Variants in SPTLC3 observed in about 807,000 individuals in gnomAD.
SPTLC3 encodes the protein serine palmitoyltransferase long chain base subunit 3.
SPTLC3 carries 36 observed loss-of-function variants against 59.3 expected under a neutral mutation model. The ratio of observed to expected loss-of-function variants is 0.61; its 90% CI spans 0.47 to 0.80. The LOEUF (loss-of-function observed/expected upper bound fraction) is 0.80, where lower values mean the gene tolerates loss of function less well. Ranked by LOEUF, SPTLC3 falls within the 30% of genes least tolerant of loss-of-function variation. The pLI is 0.00. For synonymous variants in SPTLC3, 257 were observed against 240.8 expected (o/e 1.07, Z -0.62); for missense variants, 625 against 685.1 (o/e 0.91, Z 0.98).
chr20:13,035,531 G>A (rs750417282), intron 1 of SPTLC3, among the ~76,000 whole-genome samples: 13 of 152,094 alleles, frequency 8.5e-5, no homozygotes, highest in African/African-American at 1.2e-4. Flanking sequence ...GGTGCCTTCC[G>A]AAACAAAAAT....
intron 1 of SPTLC3, among the ~76,000 whole-genome samples, chr20:13,009,649 AC>A (rs1454553474): frequency 6.6e-6 from 1 of 152,210 alleles, no homozygotes; most frequent in African/African-American, 2.4e-5. Flanking sequence ...TACCTACTAG[AC>A]TTTTGTCTCA....
chr20:13,131,949 A>G (rs1168332464), intron 9 of SPTLC3, among the ~76,000 whole-genome samples: 10 of 151,818 alleles, frequency 6.6e-5, no homozygotes, highest in Non-Finnish European at 1.5e-4. Context: ...TCAGCCTACT[A>G]CAGGCAGCTG....
At chr20:13,080,720 G>A (rs975776507) in intron 4 of SPTLC3, among the ~76,000 whole-genome samples, 1 of 152,038 alleles carries the variant, frequency 6.6e-6, no homozygotes, top group African/African-American at 2.4e-5. Context: ...AAATTAGAGA[G>A]CAATTTGAAA....
chr20:13,053,479 TCTC>T (rs1231233942), intron 2 of SPTLC3, among the ~76,000 whole-genome samples: 15 of 152,120 alleles, frequency 9.9e-5, no homozygotes, highest in African/African-American at 3.6e-4. Flanking sequence ...GAATGCCTCT[TCTC>T]CTCCAAAGGA....
intron 6 of SPTLC3, among the ~76,000 whole-genome samples, chr20:13,096,919 C>T (rs6041853): frequency 0.067 from 10,184 of 152,112 alleles, 483 homozygotes; most frequent in African/African-American, 0.13. Context: ...GTCCTAGACA[C>T]ACTACTTTAC....
intron 1 of SPTLC3, among the ~76,000 whole-genome samples, chr20:13,037,041 T>C (rs1020432278): frequency 3.9e-5 from 6 of 152,204 alleles, no homozygotes; most frequent in Non-Finnish European, 7.3e-5. Context: ...CTACCATCTT[T>C]TGTGCATTAA....
At chr20:13,051,168 C>T (rs997493570) in intron 2 of SPTLC3, 1 of 152,188 alleles carries the variant, frequency 6.6e-6, no homozygotes, top group Non-Finnish European at 1.5e-5. Flanking sequence ...TAAGAACTCA[C>T]CAACCAACTA....
intron 4 of SPTLC3, among the ~76,000 whole-genome samples, chr20:13,085,727 A>G (rs991908757): frequency 1.3e-5 from 2 of 152,246 alleles, no homozygotes; most frequent in African/African-American, 4.8e-5. Flanking sequence ...AGTCAGTATC[A>G]ATAAAAATTC....
intron 7 of SPTLC3, among the ~76,000 whole-genome samples, chr20:13,111,783 A>C (rs1990247289): frequency 6.6e-6 from 1 of 152,304 alleles, no homozygotes; most frequent in Admixed American, 6.5e-5. Flanking sequence ...ACAAAACCCA[A>C]CTGCAAATAA....
At chr20:13,139,057 A>G (rs1051693802) in intron 9 of SPTLC3, among the ~76,000 whole-genome samples, 1 of 152,200 alleles carries the variant, frequency 6.6e-6, no homozygotes, top group Non-Finnish European at 1.5e-5. Flanking sequence ...AGAGGAGGGT[A>G]GCGTGATTCT....
Position 13,074,424 on chromosome 20 carries a change from T to C in SPTLC3, c.534T>C (p.Asp178=), listed in dbSNP as rs1195135081. The C allele has an allele frequency of 1.2e-6, 2 of 1,614,100 alleles. No homozygotes were observed. Among genetic ancestry groups the C allele is most frequent in the Non-Finnish European group, 1.7e-6 (2 of 1,179,972 alleles). ...YNFLGLAAKY[D]ESMRTIKDVL... ...TCCTTGGTCTTGCAGCCAAGTATGA[T>C]GAGTCTATGAGGACAATAAAGGATG... Residue 178 remains aspartate (D), a synonymous_variant, in exon 4 of 12, where the codon GAT becomes GAC. Transcript: ENST00000399002.
rs1185001210 is a variant in SPTLC3, at chr20:13,072,362, TG to T, written c.411del (p.Phe138LeufsTer3). The T allele has an allele frequency of 6.2e-7, 1 of 1,613,222 alleles. No individual in the cohort carries two copies. Among genetic ancestry groups the T allele is most frequent in the Non-Finnish European group, 8.5e-7 (1 of 1,179,620 alleles). Reference sequence around the variant, plus strand: ...CCCATCTGCAGTGCCCCAGGGCCTCTGTTTGATTTGATGGAGAGGGTATCAG... The same window carrying T: ...CCCATCTGCAGTGCCCCAGGGCCTCTTTTGATTTGATGGAGAGGGTATCAG... ...NRPICSAPGP[L>X]FDLMERVSDD... On this transcript the variant is annotated frameshift_variant, in exon 3 of 12. Coordinates refer to ENST00000399002, the MANE Select transcript of SPTLC3 (RefSeq NM_018327.4). LOFTEE classifies it high-confidence loss of function.
intron 1 of SPTLC3, among the ~76,000 whole-genome samples, chr20:13,040,193 A>G (rs1051133301): frequency 1.3e-5 from 2 of 152,078 alleles, no homozygotes; most frequent in African/African-American, 4.8e-5. Context: ...GCCATGTTGT[A>G]TAATTTCCTT....
chr20:13,163,832 T>C (rs1167853492), intron 11 of SPTLC3, among the ~76,000 whole-genome samples: 3 of 152,138 alleles, frequency 2.0e-5, no homozygotes, highest in Admixed American at 2.0e-4. Context: ...AAAAACAGGC[T>C]CAGAAAGGTT....
intron 4 of SPTLC3, among the ~76,000 whole-genome samples, chr20:13,089,638 T>C (rs1304848772): frequency 1.3e-5 from 2 of 151,870 alleles, no homozygotes; most frequent in Non-Finnish European, 2.9e-5. Context: ...TACAAAAAAT[T>C]AGCTGGGCAT....
At position 13,168,751 on chromosome 20, in the gene SPTLC3, A is replaced by G. The variant is rs2039015194; in HGVS notation, c.*3884A>G. The G allele has an allele frequency of 6.6e-6, 1 of 152,220 alleles. No individual in the cohort carries two copies. Among genetic ancestry groups the G allele is most frequent in the African/African-American group, 2.4e-5 (1 of 41,458 alleles). The allele number at this position is 152,220 out of a possible 1,614,324, so 9.4% of individuals were successfully genotyped here. ...TAGCAATAATAACAATTGTAACAAC[A>G]GCAATTAAGAACAGCATCTGGTGAA... On this transcript the variant is annotated 3_prime_UTR_variant, in exon 12 of 12. Transcript: ENST00000399002.
intron 9 of SPTLC3, among the ~76,000 whole-genome samples, chr20:13,146,433 TA>T (rs963169603): frequency 1.3e-5 from 2 of 151,892 alleles, no homozygotes; most frequent in Non-Finnish European, 2.9e-5. Flanking sequence ...AAATTAAAAT[TA>T]AAAAAAAGAA....
Position 13,009,174 on chromosome 20 carries a change from A to C in SPTLC3, c.-94A>C. 1 of 937,888 alleles carries C rather than the reference A, an allele frequency of 1.1e-6. No homozygotes were observed. 58.1% of individuals were successfully genotyped at this position (937,888 alleles called of 1,614,324 possible). A position where few individuals can be genotyped will look rare whatever the true frequency, so the allele number is the denominator to read the frequency against. ...AAGATTCCTTTAAGGGCTCAGCCCCAAAGAGCTTTATCCCATCCCCTCGCA... is the reference window on the plus strand; with the variant it reads ...AAGATTCCTTTAAGGGCTCAGCCCCCAAGAGCTTTATCCCATCCCCTCGCA... On this transcript the variant is annotated 5_prime_UTR_variant, in exon 1 of 12. Transcript: ENST00000399002.
chr20:13,138,679 A>T (rs2038310200), intron 9 of SPTLC3, among the ~76,000 whole-genome samples: 1 of 152,200 alleles, frequency 6.6e-6, no homozygotes, highest in Admixed American at 6.5e-5. Flanking sequence ...ATTTTAGTTC[A>T]AATACTGCTG....
Sources: allele counts gnomAD v4.1 joint callset (sites outside exome capture counted in the v4.1 genomes callset), GRCh38; gene constraint gnomAD v4.1.1; transcripts MANE v1.5; gene names NCBI Gene and HGNC (gene_info 2026-07-23, HGNC 2026-07-21).